Variants in CENPE observed in about 807,000 individuals in gnomAD.
The protein encoded by CENPE is centromere-associated protein E.
In CENPE, 145 loss-of-function variants were observed where a neutral mutation model predicts 336.1. The ratio of observed to expected loss-of-function variants is 0.43; its 90% confidence interval spans 0.38 to 0.50. The LOEUF (loss-of-function observed/expected upper bound fraction) is 0.50, where lower values mean the gene tolerates loss of function less well. Among genes scored for constraint, CENPE ranks in the 20% least tolerant of loss-of-function variants. The probability of loss-of-function intolerance (pLI) is 0.00; values close to 1 mark genes in which losing one functional copy is unlikely to be tolerated. For synonymous variants in CENPE, 1,013 were observed against 984.8 expected, an observed-to-expected ratio of 1.03 and a Z score of -0.54; for missense variants, 2,719 against 3,023.3, an observed-to-expected ratio of 0.90 and a Z score of 2.36.
chr4:103,120,478 T>G, intron 43 of CENPE, 145 bp from the exon 44 acceptor site: 1 of 628,668 alleles, frequency 1.6e-6, no homozygotes, highest in Non-Finnish European at 2.6e-6. Context: ...CCAAACATCA[T>G]TCAATCTACA....
In CENPE at chr4:103,163,540, T is replaced by A; in HGVS notation, c.1661A>T (p.His554Leu). The change falls in exon 17 of 49, where the codon CAT becomes CTT. Residue 554 changes from histidine (H) to leucine (L), a missense_variant. His to Leu is a moderately conservative substitution (Grantham distance 99, BLOSUM62 -3). This residue lies in a region of CENPE where 2,437 missense variants were observed against 2,513.3 expected (regional missense o/e 0.97). Coordinates refer to ENST00000265148, the MANE Select transcript of CENPE (RefSeq NM_001813.3). ...TAAATTCTTTAAGTTCGAAATTTCA[T>A]GAATTAGTTGCATCTGTAAGAGCAT... is the stretch of plus-strand genomic sequence containing the variant. ...TKKDQEMQLIHEISNLKNLVK... is the reference protein window; with the variant it reads ...TKKDQEMQLILEISNLKNLVK... The A allele has an allele frequency of 6.3e-7, 1 of 1,580,978 alleles. No homozygotes were observed.
chr4:103,181,690 T>A, intron 11 of CENPE: 1 of 301,640 alleles, frequency 3.3e-6, no homozygotes, highest in South Asian at 4.4e-5. Flanking sequence ...CTTAAAAACA[T>A]CAGCTTATTG....
chr4:103,130,717 C>T (rs979167035), intron 42 of CENPE, among the ~76,000 whole-genome samples: 5 of 152,116 alleles, frequency 3.3e-5, no homozygotes, highest in African/African-American at 9.6e-5. Context: ...TGAAGAACGA[C>T]GTCAGAGAAC....
intron 8 of CENPE, among the ~76,000 whole-genome samples, chr4:103,187,522 C>CATT (rs1214807582): frequency 2.0e-5 from 3 of 152,106 alleles, no homozygotes; most frequent in Non-Finnish European, 4.4e-5. Flanking sequence ...GAATATTCAA[C>CATT]CCAGAATTTC....
rs58894383 is a variant in CENPE at position 103,116,251 on chromosome 4, T to TACACACACAC, written c.7442+316_7442+325dup. 0.051 allele frequency: 7,708 copies of TACACACACAC among 149,966 alleles called. 227 individuals carry two copies. The highest frequency in any genetic ancestry group is 0.061 in the African/African-American group (2,484 of 40,408). The allele number at this position is 149,966 out of a possible 1,614,324, so 9.3% of individuals were successfully genotyped here. ...CAGAAGCCTTAGTAAAACTGCTAAA[T>TACACACACAC]ACACACACACACACACACACACACA... On this transcript the variant is annotated intron_variant, in intron 45 of 48. Transcript: ENST00000265148.
rs1232095023 is a variant in CENPE, at chr4:103,145,139, T to G, written c.4768A>C (p.Lys1590Gln). The stretch of plus-strand genomic sequence containing the variant: ...ACTCTTTTCATTTCCTCTTTTTCCT[T>G]AATCATAATTTGTATTTCTTCTTGA... ...ESQEEIQIMI[K>Q]EKEEMKRVQE... is the part of the protein sequence containing the mutation. The change falls in exon 32 of 49, where the codon AAG (lysine) becomes CAG (glutamine). Residue 1590 changes from lysine (K) to glutamine (Q), a missense_variant. This residue lies in a region of CENPE where 2,437 missense variants were observed against 2,513.3 expected (regional missense o/e 0.97). Transcript: ENST00000265148. The G allele has an allele frequency of 3.3e-5, 53 of 1,612,486 alleles. No homozygotes were observed. Among genetic ancestry groups the G allele is most frequent in the Non-Finnish European group, 4.2e-5 (49 of 1,179,378 alleles).
At chr4:103,171,850 G>A (rs776360717) in intron 16 of CENPE, among the ~76,000 whole-genome samples, 34 of 151,550 alleles carry the variant, frequency 2.2e-4, no homozygotes, top group Non-Finnish European at 4.9e-4. Context: ...ACAATTATAT[G>A]CCAATAAATT....
chr4:103,139,310 T>C, intron 38 of CENPE, among the ~76,000 whole-genome samples: 1 of 152,206 alleles, frequency 6.6e-6, no homozygotes, highest in East Asian at 1.9e-4. Context: ...TTTAATTAGA[T>C]ATTTTAAGAT....
intron 16 of CENPE, among the ~76,000 whole-genome samples, chr4:103,171,685 T>C (rs956299379): frequency 1.4e-5 from 2 of 145,882 alleles, no homozygotes; most frequent in African/African-American, 2.5e-5. Flanking sequence ...ATAGGGACTT[T>C]AAAAAAATCC....
intron 46 of CENPE, among the ~76,000 whole-genome samples, chr4:103,114,150 T>C (rs577385406): frequency 3.9e-5 from 6 of 152,268 alleles, no homozygotes; most frequent in African/African-American, 1.4e-4. Flanking sequence ...CATAATTCCA[T>C]GTTGATATAG....
intron 1 of CENPE, 36 bp from the exon 2 acceptor site, chr4:103,196,886 T>C (rs992389550): frequency 1.0e-6 from 1 of 997,178 alleles, no homozygotes; most frequent in Non-Finnish European, 1.6e-6. Flanking sequence ...TAACCAGTCA[T>C]AAAAGTCATG....
chr4:103,135,369 C>T (rs1751975928), intron 40 of CENPE, among the ~76,000 whole-genome samples: 1 of 152,280 alleles, frequency 6.6e-6, no homozygotes, highest in East Asian at 1.9e-4. Flanking sequence ...TCTCCTGCCT[C>T]ATCTACCTTG....
intron 44 of CENPE, among the ~76,000 whole-genome samples, chr4:103,117,622 CTT>C (rs771337112): frequency 7.8e-5 from 9 of 115,034 alleles, no homozygotes; most frequent in Non-Finnish European, 1.2e-4. Flanking sequence ...ATTTTCTTTC[CTT>C]TTTTTTTTTT....
At chr4:103,188,451 C>G (rs928764448) in intron 8 of CENPE, among the ~76,000 whole-genome samples, 1 of 152,260 alleles carries the variant, frequency 6.6e-6, no homozygotes, top group East Asian at 1.9e-4. Flanking sequence ...TCTCTCAGAC[C>G]ACAGTGCAAT....
At chr4:103,195,636 T>C (rs1247600213) in intron 4 of CENPE, among the ~76,000 whole-genome samples, 1 of 152,168 alleles carries the variant, frequency 6.6e-6, no homozygotes, top group Non-Finnish European at 1.5e-5. Flanking sequence ...TAGGTGGAGC[T>C]AACCATTCTG....
intron 45 of CENPE, among the ~76,000 whole-genome samples, chr4:103,114,907 A>T (rs902037813): frequency 6.6e-6 from 1 of 152,226 alleles, no homozygotes; most frequent in African/African-American, 2.4e-5. Flanking sequence ...AGGAGCATGA[A>T]AGAGAAAGTG....
In CENPE at chr4:103,139,952, TGCA is replaced by T; in HGVS notation, c.6038_6040del (p.Met2013_Gln2014delinsLys). The stretch of plus-strand genomic sequence containing the variant: ...CTGGAAGTTATCCATTCTCACACTT[TGCA>T]TAGATAAGTTTTGGGCCTCAAATTG... On this transcript the variant is annotated inframe_deletion, in exon 38 of 49. Coordinates refer to ENST00000265148, the MANE Select transcript of CENPE (RefSeq NM_001813.3). 1 of 1,613,442 alleles carries T rather than the reference TGCA, an allele frequency of 6.2e-7. No individual in the cohort carries two copies. The highest frequency in any genetic ancestry group is 8.5e-7 in the Non-Finnish European group (1 of 1,179,654).
Position 103,135,666 on chromosome 4 carries a change from C to A in CENPE, c.6522+475G>T, listed in dbSNP as rs963244890. 3.9e-5 allele frequency among the ~76,000 whole-genome samples: 6 copies of A among 152,074 alleles called. No homozygotes were observed. The East Asian group carries it at 1.2e-3, about 29-fold the overall frequency. On this transcript the variant is annotated intron_variant, in intron 40 of 48. Transcript: ENST00000265148. ...AGGCTTATCTCCCTCAAACTCATTT[C>A]TTCTGTATTCTTTAGTTTAGTACCT...
At chr4:103,131,895 G>A (rs2125895148) in intron 42 of CENPE, among the ~76,000 whole-genome samples, 1 of 152,254 alleles carries the variant, frequency 6.6e-6, no homozygotes, top group Admixed American at 6.5e-5. Context: ...TCTGGAAAAG[G>A]GGCTACTATG....
Sources: gnomAD v4.1 joint callset for allele counts (sites outside exome capture counted in the v4.1 genomes callset) on GRCh38, gnomAD v4.1.1 for gene constraint, gnomAD v4.1.1 regional missense constraint, MANE v1.5 for transcripts, NCBI Gene and HGNC (gene_info 2026-07-23, HGNC 2026-07-21) for gene names.